Variants in UNC13B observed in about 807,000 individuals in gnomAD.
UNC13B encodes the protein protein unc-13 homolog B.
A neutral mutation model predicts 211.0 loss-of-function variants in UNC13B; 144 were observed. The observed-to-expected ratio is 0.68, with a 90% CI of 0.60 to 0.78. The LOEUF (loss-of-function observed/expected upper bound fraction) is 0.78, where lower values mean the gene tolerates loss of function less well. Among genes scored for constraint, UNC13B ranks in the 30% least tolerant of loss-of-function variants. UNC13B has a pLI of 0.00. For synonymous variants in UNC13B, 709 were observed against 725.8 expected (o/e 0.98, Z 0.37); for missense variants, 1,777 against 2,002.0 (o/e 0.89, Z 2.14).
intron 1 of UNC13B, among the ~76,000 whole-genome samples, chr9:35,223,006 A>G (rs967499757): frequency 2.6e-5 from 4 of 152,180 alleles, no homozygotes; most frequent in Non-Finnish European, 5.9e-5. Context: ...AGTTCCATCC[A>G]TGTTGCTGCA....
chr9:35,227,787 C>G (rs913562786), intron 1 of UNC13B: 2 of 424,008 alleles, frequency 4.7e-6, no homozygotes, highest in Non-Finnish European at 8.4e-6. Flanking sequence ...TTGTCAGGAG[C>G]CTGGAACAGA....
chr9:35,397,713 G>T lies in UNC13B; in HGVS notation c.11754+1G>T. The T allele has an allele frequency of 5.6e-6, 9 of 1,613,948 alleles. No homozygotes were observed. The highest frequency in any genetic ancestry group is 6.8e-6 in the Non-Finnish European group (8 of 1,179,958). ...AGCCTATTGCACAAAGGAGAAACTG[G>T]TAGGTTCAGGCCCTGGGACTCTTAC... On this transcript the variant is annotated splice_donor_variant, in intron 30 of 39. Coordinates refer to ENST00000635942, the MANE Select transcript of UNC13B (RefSeq NM_001371189.2). LOFTEE classifies it high-confidence loss of function.
At chr9:35,225,657 C>T (rs1054049190) in intron 1 of UNC13B, among the ~76,000 whole-genome samples, 2 of 151,738 alleles carry the variant, frequency 1.3e-5, no homozygotes, top group African/African-American at 4.8e-5. Flanking sequence ...TTTACTCGGA[C>T]TAGTTTCTTG....
chr9:35,328,705 CCCTTT>C (rs2131952355), intron 11 of UNC13B, among the ~76,000 whole-genome samples: 3 of 144,126 alleles, frequency 2.1e-5, no homozygotes, highest in South Asian at 2.3e-4. Flanking sequence ...TCCCTTCCTT[CCCTTT>C]CTTCCCTTCC....
chr9:35,369,890 C>T lies in UNC13B; in HGVS notation c.9462-428C>T, dbSNP rs112925666. On this transcript the variant is annotated intron_variant, in intron 12 of 39. Transcript: ENST00000635942. ...TAGTCTTACTCACCTAGACTCTTGC[C>T]GTAGAGCCACCCTGTGGGTTCTGTT... is the stretch of plus-strand genomic sequence containing the variant. 2.2e-3 allele frequency among the ~76,000 whole-genome samples: 342 copies of T among 152,242 alleles called. 2 individuals carry two copies. Among genetic ancestry groups the T allele is most frequent in the African/African-American group, 7.8e-3 (325 of 41,532 alleles).
intron 19 of UNC13B, 49 bp downstream of exon 19, chr9:35,381,264 G>A: frequency 1.3e-6 from 2 of 1,513,494 alleles, no homozygotes; most frequent in Non-Finnish European, 1.8e-6. Context: ...TGCTGGGAGA[G>A]GCCTTTGGCC....
At chr9:35,326,132 A>G (rs1045545528) in intron 11 of UNC13B, among the ~76,000 whole-genome samples, 30 of 152,064 alleles carry the variant, frequency 2.0e-4, no homozygotes, top group African/African-American at 7.2e-4. Flanking sequence ...CTTTGCCAAC[A>G]CTTATTGTCT....
intron 20 of UNC13B, among the ~76,000 whole-genome samples, chr9:35,382,027 T>C (rs561209218): frequency 6.6e-6 from 1 of 152,308 alleles, no homozygotes; most frequent in Admixed American, 6.5e-5. Flanking sequence ...AGACAGGGTA[T>C]GTGTGCTCGT....
rs745646852 is a variant in UNC13B, at chr9:35,398,204, C to T, written c.11755-7C>T. On this transcript the variant is annotated splice_region_variant and splice_polypyrimidine_tract_variant and intron_variant, in intron 30 of 39. Transcript: ENST00000635942. ...CCAAGACTCAACAGCTACATCTGTC[C>T]CCAAAGCCCTGCATCCTGATGAACA... 2 of 1,612,568 alleles carry T rather than the reference C, an allele frequency of 1.2e-6. No individual in the cohort carries two copies. The highest frequency in any genetic ancestry group is 2.2e-5 in the South Asian group (2 of 90,670).
chr9:35,401,825 C>G (rs1220843672), intron 37 of UNC13B: 1 of 865,786 alleles, frequency 1.2e-6, no homozygotes, highest in Non-Finnish European at 1.8e-6. Context: ...TCTGCCCCAC[C>G]TCTGTGCTCC....
intron 11 of UNC13B, among the ~76,000 whole-genome samples, chr9:35,323,103 T>C (rs890296828): frequency 6.6e-6 from 1 of 151,854 alleles, no homozygotes; most frequent in African/African-American, 2.4e-5. Context: ...TTGTGTCTCA[T>C]GGATCAGTCC....
chr9:35,352,212 A>G, intron 11 of UNC13B: 1 of 1,232,178 alleles, frequency 8.1e-7, no homozygotes, highest in South Asian at 4.1e-5. Flanking sequence ...CTTCCTGAAC[A>G]AGATGGAGAA....
At chr9:35,295,991 C>T in intron 8 of UNC13B, 61 bp downstream of exon 8, 3 of 1,468,570 alleles carry the variant, frequency 2.0e-6, no homozygotes, top group Admixed American at 2.0e-5. Context: ...ATGCAATTGG[C>T]AAGAAGAATT....
chr9:35,285,442 A>T (rs1828735954), intron 7 of UNC13B, among the ~76,000 whole-genome samples: 1 of 152,192 alleles, frequency 6.6e-6, no homozygotes, highest in African/African-American at 2.4e-5. Context: ...AAAGATGGCC[A>T]GGCACATGGT....
At chr9:35,241,234 T>C (rs1825790610) in intron 5 of UNC13B, among the ~76,000 whole-genome samples, 1 of 152,008 alleles carries the variant, frequency 6.6e-6, no homozygotes, top group Non-Finnish European at 1.5e-5. Flanking sequence ...GCAGAGAGTA[T>C]TTAAGTATTT....
Position 35,212,849 on chromosome 9 carries a change from T to G in UNC13B, c.23-15166T>G, listed in dbSNP as rs544157135. Among the ~76,000 whole-genome samples the G allele has an allele frequency of 6.6e-5, 10 of 152,278 alleles. No individual in the cohort carries two copies. In the South Asian group the frequency reaches 2.1e-3, roughly 32 times the overall value. On this transcript the variant is annotated intron_variant, in intron 1 of 39. Coordinates refer to ENST00000635942, the MANE Select transcript of UNC13B (RefSeq NM_001371189.2). ...GGTGGAGGAGCAGTTGTTAATGACG[T>G]GTTACTCCTAGTGGAATAGCCTCCC...
intron 1 of UNC13B, among the ~76,000 whole-genome samples, chr9:35,227,302 G>A (rs1022861554): frequency 6.6e-6 from 1 of 152,188 alleles, no homozygotes; most frequent in Non-Finnish European, 1.5e-5. Context: ...AATGGCAGAC[G>A]TATACTCTTA....
intron 1 of UNC13B, among the ~76,000 whole-genome samples, chr9:35,184,770 A>T (rs1564054045): frequency 8.7e-6 from 1 of 114,324 alleles, no homozygotes; most frequent in Non-Finnish European, 1.8e-5. Context: ...GGAAGGAAGG[A>T]AGGAAGGAAG....
chr9:35,207,521 A>T (rs1359143534), intron 1 of UNC13B, among the ~76,000 whole-genome samples: 2 of 76,904 alleles, frequency 2.6e-5, no homozygotes, highest in Admixed American at 2.4e-4. Flanking sequence ...TTTAGTAGAG[A>T]TGGGGATCTC....
Sources: gnomAD v4.1 joint callset for allele counts (sites outside exome capture counted in the v4.1 genomes callset) on GRCh38, gnomAD v4.1.1 for gene constraint, MANE v1.5 for transcripts, NCBI Gene and HGNC (gene_info 2026-07-23, HGNC 2026-07-21) for gene names.